Variants in PPFIBP1 observed in about 807,000 individuals in gnomAD.
PPFIBP1 encodes liprin-beta-1.
Under a neutral mutation model 137.8 loss-of-function variants are expected in PPFIBP1, and 112 were observed. The ratio of observed to expected loss-of-function variants is 0.81; its 90% CI spans 0.70 to 0.95. The LOEUF is 0.95. Ranked by LOEUF, PPFIBP1 falls within the 40% of genes least tolerant of loss-of-function variation. PPFIBP1 has a pLI of 0.00. For synonymous variants in PPFIBP1, 378 were observed against 417.3 expected, an observed-to-expected ratio of 0.91 and a Z score of 1.15; for missense variants, 1,083 against 1,196.6, an observed-to-expected ratio of 0.91 and a Z score of 1.40.
intron 1 of PPFIBP1, among the ~76,000 whole-genome samples, chr12:27,528,467 A>G (rs1944029383): frequency 1.3e-5 from 2 of 152,320 alleles, no homozygotes; most frequent in South Asian, 2.1e-4. Flanking sequence ...AAAAAACAAA[A>G]CAAAACCCTA....
chr12:27,670,438 G>A (rs986574628), intron 13 of PPFIBP1, among the ~76,000 whole-genome samples: 1 of 152,116 alleles, frequency 6.6e-6, no homozygotes, highest in African/African-American at 2.4e-5. Flanking sequence ...ATAATTAACT[G>A]GCTTGACCAA....
chr12:27,641,961 A>G (rs1052782606), intron 4 of PPFIBP1, among the ~76,000 whole-genome samples: 195 of 149,524 alleles, frequency 1.3e-3, no homozygotes, highest in Non-Finnish European at 2.2e-3. Context: ...AAATAAATAA[A>G]TAAATAAATA....
At chr12:27,613,702 CAAAAAAAA>C (rs36094116) in intron 2 of PPFIBP1, among the ~76,000 whole-genome samples, 1 of 107,808 alleles carries the variant, frequency 9.3e-6, no homozygotes, top group Non-Finnish European at 1.9e-5. Context: ...GACTCCATCT[CAAAAAAAA>C]AAAAAAAGAA....
chr12:27,692,013 G>A, intron 28 of PPFIBP1, 85 bp downstream of exon 28: 4 of 1,174,330 alleles, frequency 3.4e-6, no homozygotes, highest in Non-Finnish European at 4.7e-6. Flanking sequence ...GTCTGATCAA[G>A]GACATTTTCT....
At chr12:27,566,497 C>A (rs778358281) in intron 1 of PPFIBP1, among the ~76,000 whole-genome samples, 8 of 152,202 alleles carry the variant, frequency 5.3e-5, no homozygotes, top group Middle Eastern at 3.4e-3. Flanking sequence ...AGGATAAAAC[C>A]CCATTTAGAA....
chr12:27,592,557 G>T, intron 2 of PPFIBP1: 1 of 1,351,446 alleles, frequency 7.4e-7, no homozygotes. Flanking sequence ...GACTCTTGGT[G>T]GCTTTCACAG....
chr12:27,554,857 C>A (rs777194881), intron 1 of PPFIBP1, among the ~76,000 whole-genome samples: 1 of 151,858 alleles, frequency 6.6e-6, no homozygotes, highest in Non-Finnish European at 1.5e-5. Flanking sequence ...GTGCTGACAC[C>A]AGAGGTCTGG....
At chr12:27,543,752 C>T (rs1356128794) in intron 1 of PPFIBP1, among the ~76,000 whole-genome samples, 4 of 152,104 alleles carry the variant, frequency 2.6e-5, no homozygotes, top group African/African-American at 4.8e-5. Context: ...AATCTTATAA[C>T]GTTTGCAAGC....
At chr12:27,580,239 C>A (rs2050965003) in intron 2 of PPFIBP1, among the ~76,000 whole-genome samples, 1 of 152,188 alleles carries the variant, frequency 6.6e-6, no homozygotes, top group Admixed American at 6.5e-5. Context: ...TTTAAGGAAG[C>A]TTTGAAAAAC....
intron 1 of PPFIBP1, among the ~76,000 whole-genome samples, chr12:27,533,454 T>C (rs1236326847): frequency 1.3e-5 from 2 of 152,178 alleles, no homozygotes; most frequent in Non-Finnish European, 2.9e-5. Context: ...GCTAAGTAAC[T>C]TTCCCAGGAT....
chr12:27,557,582 G>A (rs1431626225), intron 1 of PPFIBP1, among the ~76,000 whole-genome samples: 2 of 152,110 alleles, frequency 1.3e-5, no homozygotes, highest in Admixed American at 6.5e-5. Flanking sequence ...TAAAACTGTG[G>A]TGTTTCCCAG....
rs1031443679 is a variant in PPFIBP1, at chr12:27,635,235, ATTAC to A, written c.270+124_270+127del. On this transcript the variant is annotated intron_variant, in intron 4 of 29. Coordinates refer to ENST00000228425, the MANE Select transcript of PPFIBP1 (RefSeq NM_003622.4). ...AGGGCAACACATGTGCTCCGATTTT[ATTAC>A]TTAAGATATCTTAATTTTCTTTTGA... 4.6e-6 allele frequency: 4 copies of A among 862,434 alleles called. No individual in the cohort carries two copies. In the Admixed American group the frequency reaches 7.6e-5, roughly 16 times the overall value. 53.4% of individuals were successfully genotyped at this position (862,434 alleles called of 1,614,324 possible).
chr12:27,567,187 C>G (rs2136551122), intron 1 of PPFIBP1, among the ~76,000 whole-genome samples: 1 of 152,254 alleles, frequency 6.6e-6, no homozygotes, highest in South Asian at 2.1e-4. Context: ...ATGGGGTGCT[C>G]TACAGGCCCA....
chr12:27,537,102 T>C (rs1565723857), intron 1 of PPFIBP1, among the ~76,000 whole-genome samples: 1 of 152,050 alleles, frequency 6.6e-6, no homozygotes, highest in Non-Finnish European at 1.5e-5. Flanking sequence ...TGCCGTTGTC[T>C]CCTACTGGAG....
At chr12:27,599,893 A>G (rs773136467) in intron 2 of PPFIBP1, among the ~76,000 whole-genome samples, 31 of 152,220 alleles carry the variant, frequency 2.0e-4, no homozygotes, top group Admixed American at 4.6e-4. Context: ...AAGGAGAAGG[A>G]ACCACTAAAT....
At chr12:27,572,645 T>C (rs575949349) in intron 1 of PPFIBP1, among the ~76,000 whole-genome samples, 29 of 152,326 alleles carry the variant, frequency 1.9e-4, no homozygotes, top group Non-Finnish European at 3.4e-4. Context: ...TACAGTGACT[T>C]TTATTTTGGC....
At chr12:27,583,145 G>A (rs570118213) in intron 2 of PPFIBP1, among the ~76,000 whole-genome samples, 3 of 152,302 alleles carry the variant, frequency 2.0e-5, no homozygotes, top group African/African-American at 2.4e-5. Flanking sequence ...TTTCTGATTA[G>A]CTGTTCTTCC....
chr12:27,584,916 GA>G lies in PPFIBP1; in HGVS notation c.-36+6679del, dbSNP rs556493852. ...AAATAAATGAATGAAAGAGCAGGGGGAATTCTTAGTGATGCCTGATGGCCCA... is the reference window on the plus strand; with the variant it reads ...AAATAAATGAATGAAAGAGCAGGGGGATTCTTAGTGATGCCTGATGGCCCA... On this transcript the variant is annotated intron_variant, in intron 2 of 29. Coordinates refer to ENST00000228425, the MANE Select transcript of PPFIBP1 (RefSeq NM_003622.4). Among the ~76,000 whole-genome samples, 766 of 152,304 alleles carry G rather than the reference GA, an allele frequency of 5.0e-3. 5 individuals are homozygous for G. The highest frequency in any genetic ancestry group is 0.041 in the Middle Eastern group (12 of 294).
At chr12:27,672,241 G>A (rs751813932) in intron 14 of PPFIBP1, among the ~76,000 whole-genome samples, 186 bp from the exon 15 acceptor site, 3 of 152,140 alleles carry the variant, frequency 2.0e-5, no homozygotes, top group Non-Finnish European at 4.4e-5. Flanking sequence ...TAAGAAAATA[G>A]AATGTTTTGC....
Sources: gnomAD v4.1 joint callset for allele counts (sites outside exome capture counted in the v4.1 genomes callset) on GRCh38, gnomAD v4.1.1 for gene constraint, MANE v1.5 for transcripts, NCBI Gene and HGNC (gene_info 2026-07-23, HGNC 2026-07-21) for gene names.